The following NAV3 variants were observed in gnomAD, a reference collection of about 807,000 sequenced individuals.
The protein encoded by NAV3 is neuron navigator 3, also known as pore membrane and/or filament interacting like protein 1.
A neutral mutation model predicts 244.7 loss-of-function variants in NAV3; 87 were observed. The observed-to-expected ratio is 0.36, with a 90% CI of 0.30 to 0.42. The LOEUF (loss-of-function observed/expected upper bound fraction) is 0.42, where lower values mean the gene tolerates loss of function less well. Ranked by LOEUF, NAV3 falls within the 20% of genes least tolerant of loss-of-function variation. NAV3 has a pLI of 1.00. For missense variants in NAV3, 2,663 were observed against 2,893.3 expected (o/e 0.92, Z 1.83); for synonymous variants, 1,126 against 1,042.2 (o/e 1.08, Z -1.55).
intron 28 of NAV3, among the ~76,000 whole-genome samples, chr12:78,178,428 T>C (rs1958349898): frequency 6.6e-6 from 1 of 152,102 alleles, no homozygotes; most frequent in African/African-American, 2.4e-5. Context: ...CCCAAAGTAC[T>C]GGGATTACAG....
intron 2 of NAV3, among the ~76,000 whole-genome samples, chr12:77,720,612 CT>C (rs1338722408): frequency 6.6e-6 from 1 of 152,142 alleles, no homozygotes; most frequent in African/African-American, 2.4e-5. Flanking sequence ...GGGCAGCATC[CT>C]CAAAAACCAG....
chr12:77,631,789 G>A (rs963039897), intron 2 of NAV3, among the ~76,000 whole-genome samples: 2 of 152,136 alleles, frequency 1.3e-5, no homozygotes, highest in African/African-American at 2.4e-5. Flanking sequence ...ATAGAAGGGA[G>A]AGACACTGGG....
intron 1 of NAV3, among the ~76,000 whole-genome samples, chr12:77,902,221 T>C (rs1001202917): frequency 6.6e-6 from 1 of 152,238 alleles, no homozygotes; most frequent in Non-Finnish European, 1.5e-5. Context: ...TGCCGGAAAT[T>C]GGTTTCTAGA....
chr12:78,193,113 CA>C, intron 34 of NAV3, among the ~76,000 whole-genome samples: 1 of 152,218 alleles, frequency 6.6e-6, no homozygotes, highest in East Asian at 1.9e-4. Context: ...ACTGAAGAGA[CA>C]AATCCAAAAA....
rs373133293 is a variant in NAV3 at position 77,991,172 on chromosome 12, C to T, written c.672-3631C>T. On this transcript the variant is annotated intron_variant, in intron 5 of 39. Transcript: ENST00000397909. The stretch of plus-strand genomic sequence containing the variant: ...TCCAAAGTAGCTGGGATTACAGGCA[C>T]GCACCACCAGGTCTGGCTAATTTTT... Among the ~76,000 whole-genome samples, 774 of 152,130 alleles carry T rather than the reference C, an allele frequency of 5.1e-3. 15 individuals carry two copies. The highest frequency in any genetic ancestry group is 0.033 in the South Asian group (157 of 4,814).
At chr12:78,153,320 C>A (rs553149316) in intron 22 of NAV3, among the ~76,000 whole-genome samples, 1 of 151,958 alleles carries the variant, frequency 6.6e-6, no homozygotes, top group Non-Finnish European at 1.5e-5. Context: ...GCCTTCCCTC[C>A]CTTTTGTAAA....
chr12:77,930,197 A>G (rs868365208), intron 1 of NAV3, among the ~76,000 whole-genome samples: 5 of 152,056 alleles, frequency 3.3e-5, no homozygotes, highest in Non-Finnish European at 7.4e-5. Context: ...GTATATAAGG[A>G]CTTTGCTTCT....
intron 1 of NAV3, among the ~76,000 whole-genome samples, chr12:77,908,905 T>C (rs1301834882): frequency 2.6e-5 from 4 of 152,094 alleles, no homozygotes; most frequent in African/African-American, 9.7e-5. Flanking sequence ...AATCAAGCTA[T>C]AGATTTCATA....
At chr12:77,797,570 T>C (rs1460170453) in intron 2 of NAV3, among the ~76,000 whole-genome samples, 2 of 129,772 alleles carry the variant, frequency 1.5e-5, no homozygotes, top group South Asian at 2.8e-4. Context: ...AGGCCGGGCG[T>C]GGTGGCTCAG....
chr12:78,012,547 G>A (rs548154752), intron 8 of NAV3, among the ~76,000 whole-genome samples: 4 of 152,072 alleles, frequency 2.6e-5, no homozygotes, highest in Admixed American at 6.6e-5. Flanking sequence ...CCCCCAGCAC[G>A]TTGTATCTCA....
intron 2 of NAV3, among the ~76,000 whole-genome samples, chr12:77,769,078 A>G (rs1869938802): frequency 6.6e-6 from 1 of 152,184 alleles, no homozygotes; most frequent in South Asian, 2.1e-4. Context: ...TTTCATTGCC[A>G]TTTTAAAATT....
At chr12:77,596,630 CTT>C (rs1870180646) in intron 2 of NAV3, among the ~76,000 whole-genome samples, 2 of 152,224 alleles carry the variant, frequency 1.3e-5, no homozygotes, top group Non-Finnish European at 2.9e-5. Context: ...AATAATGACA[CTT>C]TCTCAGCTTG....
Position 78,018,838 on chromosome 12 carries a change from T to C in NAV3, c.1908-2909T>C, listed in dbSNP as rs912369095. 2.0e-5 allele frequency among the ~76,000 whole-genome samples: 3 copies of C among 152,130 alleles called. No individual in the cohort carries two copies. In the South Asian group the frequency reaches 6.2e-4, roughly 32 times the overall value. ...TTAGAACACTTCAGAGGATTGTTTT[T>C]CCCTTCGTTCAGAGACAATAGGTTA... is the stretch of plus-strand genomic sequence containing the variant. On this transcript the variant is annotated intron_variant, in intron 8 of 39. Coordinates refer to ENST00000397909, the MANE Select transcript of NAV3 (RefSeq NM_001024383.2).
At chr12:77,630,196 G>A (rs1433520348) in intron 2 of NAV3, among the ~76,000 whole-genome samples, 1 of 152,098 alleles carries the variant, frequency 6.6e-6, no homozygotes, top group Non-Finnish European at 1.5e-5. Flanking sequence ...GGAGGAGTGT[G>A]AACAGCAGGC....
intron 2 of NAV3, among the ~76,000 whole-genome samples, chr12:77,791,680 A>C (rs1565815492): frequency 2.0e-5 from 3 of 152,274 alleles, no homozygotes; most frequent in Admixed American, 6.5e-5. Context: ...TTACATCTCT[A>C]TATATAGTGA....
At chr12:78,108,179 C>G (rs968222088) in intron 12 of NAV3, among the ~76,000 whole-genome samples, 2 of 152,008 alleles carry the variant, frequency 1.3e-5, no homozygotes, top group Non-Finnish European at 2.9e-5. Flanking sequence ...ATCATACAGA[C>G]TTTAAGTCAA....
At chr12:78,121,816 A>G (rs1255918358) in intron 15 of NAV3, 124 bp from the exon 16 acceptor site, 6 of 1,217,314 alleles carry the variant, frequency 4.9e-6, no homozygotes, top group Non-Finnish European at 6.8e-6. Context: ...TAACATAGAG[A>G]CAGGAAGTGC....
At chr12:78,127,418 T>G (rs561158331) in intron 17 of NAV3, among the ~76,000 whole-genome samples, 6 of 152,256 alleles carry the variant, frequency 3.9e-5, no homozygotes, top group Non-Finnish European at 8.8e-5. Context: ...TCTCTCAAAT[T>G]AAATAAATTC....
At chr12:77,940,260 T>A in intron 1 of NAV3, 59 bp from the exon 2 acceptor site, 1 of 1,257,176 alleles carries the variant, frequency 8.0e-7, no homozygotes, top group Non-Finnish European at 1.1e-6. Flanking sequence ...GTCTTCAGCA[T>A]TTTATTGTCT....
Sources: gnomAD v4.1 joint callset for allele counts (sites outside exome capture counted in the v4.1 genomes callset) on GRCh38, gnomAD v4.1.1 for gene constraint, MANE v1.5 for transcripts, NCBI Gene and HGNC (gene_info 2026-07-23, HGNC 2026-07-21) for gene names.